Variants in KLC3 observed in about 807,000 individuals in gnomAD.
The protein encoded by KLC3 is kinesin light chain 2.
In KLC3, 72 loss-of-function variants were observed where a neutral mutation model predicts 62.9. The observed-to-expected ratio is 1.15, with a 90% CI of 0.95 to 1.39. KLC3 has a LOEUF of 1.39. KLC3 is among the 40% of genes most tolerant of loss of function. The pLI, the probability that KLC3 is intolerant of heterozygous loss-of-function variation, is 0.00. For missense variants in KLC3, 848 were observed against 691.6 expected (o/e 1.23, Z -2.54); for synonymous variants, 377 against 300.5 (o/e 1.25, Z -2.63).
At position 45,350,147 on chromosome 19, in the gene KLC3, C is replaced by G. The variant is rs556145425; in HGVS notation, c.1144-194C>G. Reference sequence around the variant, plus strand: ...CAGCACATTAGAAAGTGGGGCCAGACGTGGTGGTTCACGCTTGTAACCCCA... The same window carrying G: ...CAGCACATTAGAAAGTGGGGCCAGAGGTGGTGGTTCACGCTTGTAACCCCA... On this transcript the variant is annotated intron_variant, in intron 8 of 12. Transcript: ENST00000391946. 2,659 of 590,126 alleles carry G rather than the reference C, an allele frequency of 4.5e-3. 10 individuals carry two copies. The highest frequency in any genetic ancestry group is 6.8e-3 in the Non-Finnish European group (2,261 of 332,948). 36.6% of individuals were successfully genotyped at this position (590,126 alleles called of 1,614,324 possible).
intron 1 of KLC3, among the ~76,000 whole-genome samples, chr19:45,341,184 GTT>G (rs1555772407): frequency 0.28 from 35,322 of 126,696 alleles, 5,194 homozygotes; most frequent in African/African-American, 0.46. Context: ...GCCTGCCTGT[GTT>G]TGTGTGTGTG....
Position 45,350,444 on chromosome 19 carries a change from C to A in KLC3, c.1234+13C>A. The A allele has an allele frequency of 1.9e-6, 3 of 1,613,470 alleles. No homozygotes were observed. Among genetic ancestry groups the A allele is most frequent in the Non-Finnish European group, 2.5e-6 (3 of 1,179,548 alleles). ...CCCGCCCCTCTCGGTGAGCCCCTAG[C>A]CCCTGTCTGTCTTCCCTCCTGGTGG... On this transcript the variant is annotated intron_variant, in intron 9 of 12. Transcript: ENST00000391946.
chr19:45,351,371 G>A lies in KLC3; in HGVS notation c.*14G>A. The A allele has an allele frequency of 6.2e-7, 1 of 1,608,978 alleles. No homozygotes were observed. The highest frequency in any genetic ancestry group is 8.5e-7 in the Non-Finnish European group (1 of 1,179,950). ...AGCCCCCACTAACGTCCAGTGAACT[G>A]CGCTGGCCGCAGCTTCTTGGGAACA... On this transcript the variant is annotated 3_prime_UTR_variant, in exon 13 of 13. Transcript: ENST00000391946.
chr19:45,350,309 C>G (rs371888025), intron 8 of KLC3, 32 bp from the exon 9 acceptor site: 7 of 1,594,242 alleles, frequency 4.4e-6, no homozygotes, highest in Admixed American at 1.7e-5. Context: ...AACTGGGGTC[C>G]GAAAAGTTCC....
At chr19:45,347,249 G>A (rs1971522443) in intron 3 of KLC3, 198 bp from the exon 4 acceptor site, 3 of 542,920 alleles carry the variant, frequency 5.5e-6, no homozygotes, top group Non-Finnish European at 6.6e-6. Context: ...AGCTGAGGCA[G>A]GAGAATGGCT....
intron 8 of KLC3, chr19:45,349,855 ATTGAG>A: frequency 1.9e-6 from 1 of 515,522 alleles, no homozygotes; most frequent in Non-Finnish European, 3.4e-6. Context: ...GCAGACATTT[ATTGAG>A]CTCACTGTGG....
rs1168809559 is a variant in KLC3 at position 45,348,914 on chromosome 19, G to A, written c.962G>A (p.Arg321Gln). The stretch of plus-strand genomic sequence containing the variant: ...CTGTGCCAGCGCGCTTTGGAGATCC[G>A]AGAGAAGGTCCCATCCCCCTCACCC... Reference protein sequence around the residue: ...EPLCQRALEIREKVLGADHPD... With the variant: ...EPLCQRALEIQEKVLGADHPD... Residue 321 changes from arginine (R) to glutamine (Q), a missense_variant, in exon 7 of 13, where the codon CGA becomes CAA. Arg to Gln is a conservative substitution (Grantham distance 43). Coordinates refer to ENST00000391946, the MANE Select transcript of KLC3 (RefSeq NM_177417.3). 6.3e-6 allele frequency: 10 copies of A among 1,578,166 alleles called. No homozygotes were observed. The highest frequency in any genetic ancestry group is 3.7e-5 in the Admixed American group (2 of 54,012).
intron 12 of KLC3, 134 bp downstream of exon 12, chr19:45,351,151 A>C: frequency 6.3e-7 from 1 of 1,594,020 alleles, no homozygotes; most frequent in Non-Finnish European, 8.6e-7. Context: ...CCAGGACAGG[A>C]GCAAAGATGG....
At position 45,346,613 on chromosome 19, in the gene KLC3, C is replaced by G. The variant is rs1273243780; in HGVS notation, c.328C>G (p.Arg110Gly). Residue 110 changes from arginine (R) to glycine (G), a missense_variant, in exon 3 of 13, where the codon CGG becomes GGG. Arg to Gly is a moderately radical substitution (Grantham distance 125, BLOSUM62 -2). Coordinates refer to ENST00000391946, the MANE Select transcript of KLC3 (RefSeq NM_177417.3). ...AEKQRLRSQA[R>G]RLAQENVWLR... ...GAAGCAGCGGCTGCGCTCGCAGGCC[C>G]GGCGGCTGGCCCAGGAGAACGTGTG... 1.3e-6 allele frequency: 2 copies of G among 1,550,928 alleles called. No individual in the cohort carries two copies. The highest frequency in any genetic ancestry group is 2.4e-5 in the South Asian group (2 of 84,054).
chr19:45,348,670 C>T lies in KLC3; in HGVS notation c.804C>T (p.Ala268=), dbSNP rs766992983. Reference sequence around the variant, plus strand: ...GGGACCAGAACAAGTACAAAGAAGCCACAGACCTTCTCCATGATGCCCTGC... The same window carrying T: ...GGGACCAGAACAAGTACAAAGAAGCTACAGACCTTCTCCATGATGCCCTGC... ...VYRDQNKYKE[A]TDLLHDALQI... Residue 268 remains alanine, a synonymous_variant, in exon 6 of 13, where the codon GCC becomes GCT. Coordinates refer to ENST00000391946, the MANE Select transcript of KLC3 (RefSeq NM_177417.3). 21 of 1,591,834 alleles carry T rather than the reference C, an allele frequency of 1.3e-5. No homozygotes were observed. The highest frequency in any genetic ancestry group is 1.5e-5 in the Non-Finnish European group (18 of 1,169,582).
At chr19:45,351,136 G>A (rs1971746018) in intron 12 of KLC3, 119 bp downstream of exon 12, 1 of 1,602,230 alleles carries the variant, frequency 6.2e-7, no homozygotes, top group Non-Finnish European at 8.5e-7. Flanking sequence ...GGTGTCAGAA[G>A]AGACCCAGGA....
chr19:45,350,298 G>C lies in KLC3; in HGVS notation c.1144-43G>C, dbSNP rs1971667243. On this transcript the variant is annotated intron_variant, in intron 8 of 12. Transcript: ENST00000391946. ...AAGGCGGGACTGGATGCAGTGTTGG[G>C]AACTGGGGTCCGAAAAGTTCCCAGA... is the stretch of plus-strand genomic sequence containing the variant. 2.0e-6 allele frequency: 3 copies of C among 1,495,030 alleles called. No homozygotes were observed. The African/African-American group carries it at 4.2e-5, about 21-fold the overall frequency. 92.6% of individuals were successfully genotyped at this position (1,495,030 alleles called of 1,614,324 possible).
Position 45,350,532 on chromosome 19 carries a change from C to G in KLC3, c.1253C>G (p.Thr418Arg). Residue 418 changes from threonine (T) to arginine (R), a missense_variant, in exon 10 of 13, where the codon ACA (threonine) becomes AGA (arginine). Physicochemically the swap from Thr to Arg is moderately conservative, Grantham distance 71. Transcript: ENST00000391946. Reference sequence around the variant, plus strand: ...CCCCTAGGTGCCCCCAACACAGGCACAGCTGGTGACGCAGAACAGGTGAGG... The same window carrying G: ...CCCCTAGGTGCCCCCAACACAGGCAGAGCTGGTGACGCAGAACAGGTGAGG... ...PAPLGAPNTG[T>R]AGDAEQALRR... 1 of 1,613,976 alleles carries G rather than the reference C, an allele frequency of 6.2e-7. No individual in the cohort carries two copies. The highest frequency in any genetic ancestry group is 8.5e-7 in the Non-Finnish European group (1 of 1,179,996).
At chr19:45,348,966 T>C in intron 7 of KLC3, 45 bp downstream of exon 7, 1 of 1,497,930 alleles carries the variant, frequency 6.7e-7, no homozygotes, top group Non-Finnish European at 9.1e-7. Context: ...TTGTCCCATG[T>C]AGCCCTCCCC....
chr19:45,350,708 T>C lies in KLC3; in HGVS notation c.1340T>C (p.Val447Ala). Residue 447 changes from valine to alanine, a missense_variant, in exon 11 of 13, where the codon GTC becomes GCC. Val to Ala is a moderately conservative substitution (Grantham distance 64). Coordinates refer to ENST00000391946, the MANE Select transcript of KLC3 (RefSeq NM_177417.3). ...ESIRRGSEKL[V>A]SRLRGEAAAG... ...ATCAGGCGAGGAAGTGAGAAGCTGG[T>C]CTCCCGGCTCCGAGGCGAGGCGGCG... 2 of 1,613,478 alleles carry C rather than the reference T, an allele frequency of 1.2e-6. No individual in the cohort carries two copies. Among genetic ancestry groups the C allele is most frequent in the African/African-American group, 1.3e-5 (1 of 74,956 alleles).
At chr19:45,341,295 CTG>C (rs759172989) in intron 1 of KLC3, among the ~76,000 whole-genome samples, 3 of 151,248 alleles carry the variant, frequency 2.0e-5, no homozygotes, top group Admixed American at 2.0e-4. Flanking sequence ...TGTGATGGGA[CTG>C]TGTGTATGAT....
chr19:45,350,026 G>C (rs1971644363), intron 8 of KLC3: 1 of 453,322 alleles, frequency 2.2e-6, no homozygotes, highest in African/African-American at 2.0e-5. Context: ...ACAGGAGGCT[G>C]CCTGTCCTCC....
chr19:45,346,803 G>T (rs1267729997), intron 3 of KLC3, 29 bp downstream of exon 3: 1 of 1,492,200 alleles, frequency 6.7e-7, no homozygotes, highest in Middle Eastern at 1.7e-4. Flanking sequence ...GGCGGGGGGT[G>T]CTGGGCCCTT....
intron 1 of KLC3, 137 bp from the exon 2 acceptor site, chr19:45,345,397 G>C: frequency 8.7e-7 from 1 of 1,149,074 alleles, no homozygotes; most frequent in Non-Finnish European, 1.3e-6. Context: ...CAGAGGGCTG[G>C]CCAGGATGGG....
Sources: allele counts gnomAD v4.1 joint callset (sites outside exome capture counted in the v4.1 genomes callset), GRCh38; gene constraint gnomAD v4.1.1; transcripts MANE v1.5; gene names NCBI Gene and HGNC (gene_info 2026-07-23, HGNC 2026-07-21).